Variants in ADAMTS19 observed in about 807,000 individuals in gnomAD.
The protein encoded by ADAMTS19 is ADAM metallopeptidase with thrombospondin type 1 motif 19.
A neutral mutation model predicts 153.3 loss-of-function variants in ADAMTS19; 93 were observed. That is an observed-to-expected ratio of 0.61 (90% confidence interval 0.51 to 0.72). The LOEUF (loss-of-function observed/expected upper bound fraction) is 0.72, where lower values mean the gene tolerates loss of function less well. Among genes scored for constraint, ADAMTS19 ranks in the 30% least tolerant of loss-of-function variants. The pLI, the probability that ADAMTS19 is intolerant of heterozygous loss-of-function variation, is 0.00. For missense variants in ADAMTS19, 1,482 were observed against 1,552.1 expected, an observed-to-expected ratio of 0.95 and a Z score of 0.76; for synonymous variants, 600 against 556.6, an observed-to-expected ratio of 1.08 and a Z score of -1.10.
intron 15 of ADAMTS19, among the ~76,000 whole-genome samples, chr5:129,662,483 T>C (rs1176077712): frequency 6.6e-6 from 1 of 152,236 alleles, no homozygotes; most frequent in East Asian, 1.9e-4. Flanking sequence ...TAACCTGTCC[T>C]TTAAGCCATC....
intron 8 of ADAMTS19, among the ~76,000 whole-genome samples, chr5:129,597,255 G>GA (rs1177801908): frequency 6.6e-6 from 1 of 152,082 alleles, no homozygotes; most frequent in Non-Finnish European, 1.5e-5. Flanking sequence ...TTAATAATAG[G>GA]AATAATTAGT....
chr5:129,667,283 TC>T (rs1581206001), intron 16 of ADAMTS19, among the ~76,000 whole-genome samples: 1 of 152,076 alleles, frequency 6.6e-6, no homozygotes, highest in East Asian at 1.9e-4. Flanking sequence ...TGGGTCCTGA[TC>T]TTTTCTCTGC....
chr5:129,665,479 T>C lies in ADAMTS19; in HGVS notation c.2426-20T>C. 1.9e-6 allele frequency: 3 copies of C among 1,553,358 alleles called. No homozygotes were observed. The highest frequency in any genetic ancestry group is 2.6e-6 in the Non-Finnish European group (3 of 1,140,734). On this transcript the variant is annotated intron_variant, in intron 15 of 22. Coordinates refer to ENST00000274487, the MANE Select transcript of ADAMTS19 (RefSeq NM_133638.6). ...TTGAAGGAACTCAAGATTTATTTCATGTTTTATTGACTCTTACAGGTTATG... is the reference window on the plus strand; with the variant it reads ...TTGAAGGAACTCAAGATTTATTTCACGTTTTATTGACTCTTACAGGTTATG...
intron 10 of ADAMTS19, among the ~76,000 whole-genome samples, chr5:129,628,236 T>C (rs1752142295): frequency 6.6e-6 from 1 of 151,682 alleles, no homozygotes; most frequent in Non-Finnish European, 1.5e-5. Flanking sequence ...TCACTGATAA[T>C]TGGGAGCTAA....
At chr5:129,699,932 A>T (rs990928346) in intron 19 of ADAMTS19, among the ~76,000 whole-genome samples, 18 of 152,216 alleles carry the variant, frequency 1.2e-4, no homozygotes, top group Non-Finnish European at 2.4e-4. Context: ...AAATTAAAAA[A>T]TAGAAACTTA....
intron 10 of ADAMTS19, among the ~76,000 whole-genome samples, chr5:129,636,975 C>A (rs1752560099): frequency 6.6e-6 from 1 of 152,134 alleles, no homozygotes; most frequent in Non-Finnish European, 1.5e-5. Context: ...CTGTTTTTAA[C>A]CTTCAAACCT....
intron 21 of ADAMTS19, among the ~76,000 whole-genome samples, chr5:129,711,698 T>C (rs1054901990): frequency 6.6e-6 from 1 of 151,868 alleles, no homozygotes; most frequent in African/African-American, 2.4e-5. Context: ...AAAAATTCTT[T>C]AGGCTAGCAT....
chr5:129,484,456 A>G (rs1159788328), intron 2 of ADAMTS19, among the ~76,000 whole-genome samples: 1 of 152,154 alleles, frequency 6.6e-6, no homozygotes, highest in African/African-American at 2.4e-5. Flanking sequence ...ATATGCAGCC[A>G]TAAAAATGTA....
At position 129,460,776 on chromosome 5, in the gene ADAMTS19, AC is replaced by A. The variant is rs1247545530; in HGVS notation, c.91+295del. ...TTAGAACGTACCTAAGTTGATAGCA[AC>A]GCTCTGCTCTAGCATACACTTCAGA... On this transcript the variant is annotated intron_variant, in intron 1 of 22. Coordinates refer to ENST00000274487, the MANE Select transcript of ADAMTS19 (RefSeq NM_133638.6). 9.0e-6 allele frequency: 5 copies of A among 552,686 alleles called. No homozygotes were observed. In the African/African-American group the frequency reaches 9.5e-5, roughly 11 times the overall value. The allele number at this position is 552,686 out of a possible 1,614,324, so 34.2% of individuals were successfully genotyped here.
chr5:129,592,653 C>T (rs1442074748), intron 7 of ADAMTS19, among the ~76,000 whole-genome samples: 1 of 152,086 alleles, frequency 6.6e-6, no homozygotes, highest in Non-Finnish European at 1.5e-5. Context: ...ATCAGAGTCT[C>T]AGTTGAAGAT....
At chr5:129,553,924 C>T (rs1753223005) in intron 7 of ADAMTS19, among the ~76,000 whole-genome samples, 1 of 152,076 alleles carries the variant, frequency 6.6e-6, no homozygotes, top group Non-Finnish European at 1.5e-5. Flanking sequence ...TCCATGGATT[C>T]AACCACTTGT....
chr5:129,528,535 G>T lies in ADAMTS19; in HGVS notation c.1186G>T (p.Gly396Trp). 1.9e-6 allele frequency: 3 copies of T among 1,600,934 alleles called. No homozygotes were observed. The highest frequency in any genetic ancestry group is 2.6e-6 in the Non-Finnish European group (3 of 1,174,562). ...TCTTTTGCAGCCAGAACTATATATT[G>T]GGCATCATGGAGAAAAAATGCTAGA... ...LHETPPELYIGHHGEKMLESF... is the reference protein window; with the variant it reads ...LHETPPELYIWHHGEKMLESF... Residue 396 changes from glycine (G) to tryptophan (W), a missense_variant, in exon 6 of 23, where the codon GGG becomes TGG. By Grantham distance (184) the Gly-to-Trp change is radical. Transcript: ENST00000274487.
Position 129,738,390 on chromosome 5 carries a change from G to A in ADAMTS19, c.*1172G>A, listed in dbSNP as rs1757763673. On this transcript the variant is annotated 3_prime_UTR_variant, in exon 23 of 23. Coordinates refer to ENST00000274487, the MANE Select transcript of ADAMTS19 (RefSeq NM_133638.6). ...ATATCCACATGTCTGATGAACAAAG[G>A]TACTGTCTACTTTTGTTCTGGAGTA... The A allele has an allele frequency of 6.6e-6, 1 of 152,032 alleles. No individual in the cohort carries two copies. Among genetic ancestry groups the A allele is most frequent in the Non-Finnish European group, 1.5e-5 (1 of 67,954 alleles). The allele number at this position is 152,032 out of a possible 1,614,324, so 9.4% of individuals were successfully genotyped here.
At chr5:129,531,756 AC>A (rs1446453366) in intron 6 of ADAMTS19, among the ~76,000 whole-genome samples, 2 of 152,248 alleles carry the variant, frequency 1.3e-5, no homozygotes, top group Admixed American at 6.5e-5. Flanking sequence ...TTCAAAACTT[AC>A]TATAAAGGTT....
In ADAMTS19 at chr5:129,737,352, C is replaced by T. The variant is rs1271206580; in HGVS notation, c.*134C>T. Reference sequence around the variant, plus strand: ...CAAATTAATTTATTTTTTTGCCTGCCAAACATCCAATGTGGTGCTTGTTTT... The same window carrying T: ...CAAATTAATTTATTTTTTTGCCTGCTAAACATCCAATGTGGTGCTTGTTTT... On this transcript the variant is annotated 3_prime_UTR_variant, in exon 23 of 23. Coordinates refer to ENST00000274487, the MANE Select transcript of ADAMTS19 (RefSeq NM_133638.6). 2 of 955,586 alleles carry T rather than the reference C, an allele frequency of 2.1e-6. No homozygotes were observed. The highest frequency in any genetic ancestry group is 6.6e-5 in the South Asian group (2 of 30,196). The allele number at this position is 955,586 out of a possible 1,614,324, so 59.2% of individuals were successfully genotyped here.
chr5:129,732,863 C>A (rs1226184742), intron 21 of ADAMTS19, among the ~76,000 whole-genome samples: 2 of 151,912 alleles, frequency 1.3e-5, no homozygotes, highest in African/African-American at 4.8e-5. Flanking sequence ...CTGAAGCAAT[C>A]CTAAGTAAAG....
rs868549061 is a variant in ADAMTS19 at position 129,461,085 on chromosome 5, G to C, written c.92-17G>C. On this transcript the variant is annotated splice_polypyrimidine_tract_variant and intron_variant, in intron 1 of 22. Transcript: ENST00000274487. This position sits in a 1 kb window ranked among gnomAD's most constrained non-coding sequence, Gnocchi z 4.6. Reference sequence around the variant, plus strand: ...GCGGCACTTTAAGCCCCGCACTTCTGTCTGCCCCGCCCGCAGAGCTGCAGT... The same window carrying C: ...GCGGCACTTTAAGCCCCGCACTTCTCTCTGCCCCGCCCGCAGAGCTGCAGT... The C allele has an allele frequency of 2.2e-6, 3 of 1,381,298 alleles. No individual in the cohort carries two copies. The highest frequency in any genetic ancestry group is 1.9e-6 in the Non-Finnish European group (2 of 1,069,606). 85.6% of individuals were successfully genotyped at this position (1,381,298 alleles called of 1,614,324 possible). A position where few individuals can be genotyped will look rare whatever the true frequency, so the allele number is the denominator to read the frequency against.
intron 20 of ADAMTS19, among the ~76,000 whole-genome samples, chr5:129,702,969 T>TATATATATATATATATATAC (rs1755979576): frequency 7.5e-6 from 1 of 132,688 alleles, no homozygotes; most frequent in African/African-American, 3.3e-5. Flanking sequence ...TATATATATA[T>TATATATATATATATATATAC]ATACAAATAC....
chr5:129,488,954 A>T (rs955722262), intron 2 of ADAMTS19, among the ~76,000 whole-genome samples: 1 of 152,102 alleles, frequency 6.6e-6, no homozygotes, highest in Non-Finnish European at 1.5e-5. Context: ...AATTGGCTTC[A>T]GTTTTCAAAC....
Sources: allele counts gnomAD v4.1 joint callset (sites outside exome capture counted in the v4.1 genomes callset), GRCh38; gene constraint gnomAD v4.1.1; non-coding constraint Gnocchi (gnomAD v3.1); transcripts MANE v1.5; gene names NCBI Gene and HGNC (gene_info 2026-07-23, HGNC 2026-07-21).